NEXMIF: variants seen among roughly 807,000 people sequenced by gnomAD.
NEXMIF encodes neurite extension and migration factor.
Under a neutral mutation model 62.1 loss-of-function variants are expected in NEXMIF, and 8 were observed. That is an observed-to-expected ratio of 0.13 (90% CI 0.08 to 0.23). The LOEUF is 0.23. Among genes scored for constraint, NEXMIF ranks in the 10% least tolerant of loss-of-function variants. The pLI, the probability that NEXMIF is intolerant of heterozygous loss-of-function variation, is 1.00. For missense variants in NEXMIF, 976 were observed against 1,113.3 expected (o/e 0.88, Z 1.75); for synonymous variants, 404 against 416.6 (o/e 0.97, Z 0.37).
intron 1 of NEXMIF, among the ~76,000 whole-genome samples, chrX:74,868,979 T>C (rs1042038193): frequency 9.0e-6 from 1 of 110,822 alleles, no homozygotes; most frequent in Non-Finnish European, 1.9e-5. Context: ...AATCTCATTG[T>C]ACAAGGCCAG....
At chrX:74,887,175 T>C (rs2080698073) in intron 1 of NEXMIF, among the ~76,000 whole-genome samples, 1 of 111,960 alleles carries the variant, frequency 8.9e-6, no homozygotes, top group Non-Finnish European at 1.9e-5. Context: ...ACTTACAGGT[T>C]AGACCTAAAA....
chrX:74,872,345 C>A (rs1243751043), intron 1 of NEXMIF, among the ~76,000 whole-genome samples: 3 of 105,614 alleles, frequency 2.8e-5, no homozygotes, highest in African/African-American at 6.9e-5. Context: ...ACTTCACATG[C>A]TGTCACTTAT....
At chrX:74,759,826 G>A (rs768863727) in intron 1 of NEXMIF, among the ~76,000 whole-genome samples, 25 of 111,817 alleles carry the variant, frequency 2.2e-4, no homozygotes, top group Admixed American at 1.9e-4. Context: ...TAACCTTGGT[G>A]CCTCCAGCTT....
At chrX:74,891,984 G>T (rs183417994) in intron 1 of NEXMIF, among the ~76,000 whole-genome samples, 1 of 112,247 alleles carries the variant, frequency 8.9e-6, no homozygotes, top group East Asian at 2.8e-4. Context: ...TTTGCACAGG[G>T]TCAGCAACGC....
chrX:74,881,522 T>C (rs751458567), intron 1 of NEXMIF, among the ~76,000 whole-genome samples: 16 of 111,282 alleles, frequency 1.4e-4, no homozygotes, highest in African/African-American at 3.9e-4. Flanking sequence ...CCAGGTACTG[T>C]TGACATCTTG....
chrX:74,839,399 G>T (rs766538757), intron 1 of NEXMIF, among the ~76,000 whole-genome samples: 122 of 112,160 alleles, frequency 1.1e-3, no homozygotes, highest in African/African-American at 3.8e-3. Flanking sequence ...ATTTTTAATT[G>T]CCCAAATTGG....
At chrX:74,890,668 C>T (rs764933681) in intron 1 of NEXMIF, among the ~76,000 whole-genome samples, 5 of 111,722 alleles carry the variant, frequency 4.5e-5, no homozygotes, top group Non-Finnish European at 9.4e-5. Flanking sequence ...CATGGCTACG[C>T]TTGGGCATTT....
chrX:74,892,048 AT>A (rs1022499237), intron 1 of NEXMIF, among the ~76,000 whole-genome samples: 7 of 111,291 alleles, frequency 6.3e-5, no homozygotes, highest in African/African-American at 1.3e-4. Context: ...CTAAATATGT[AT>A]TTTTTTTTCT....
At chrX:74,892,422 T>C (rs148814989) in intron 1 of NEXMIF, among the ~76,000 whole-genome samples, 2,225 of 111,887 alleles carry the variant, frequency 0.02, 57 homozygotes, top group African/African-American at 0.069. Flanking sequence ...TTTACAGATA[T>C]TATTTTCCTC....
At chrX:74,808,101 C>A (rs1353206106) in intron 1 of NEXMIF, among the ~76,000 whole-genome samples, 1 of 111,304 alleles carries the variant, frequency 9.0e-6, no homozygotes, top group Non-Finnish European at 1.9e-5. Context: ...GCCTTGTAAA[C>A]CTAGAATAAA....
chrX:74,824,678 T>C (rs1353071051), intron 1 of NEXMIF, among the ~76,000 whole-genome samples: 1 of 107,189 alleles, frequency 9.3e-6, no homozygotes, highest in Non-Finnish European at 1.9e-5. Flanking sequence ...AGACAGAGTC[T>C]CACTCTGTCG....
At chrX:74,825,578 G>C (rs993959406) in intron 1 of NEXMIF, among the ~76,000 whole-genome samples, 2 of 112,085 alleles carry the variant, frequency 1.8e-5, no homozygotes, top group African/African-American at 6.5e-5. Flanking sequence ...TTTTTTGACA[G>C]AGTCTTGCTC....
At chrX:74,813,477 T>C (rs2080366770) in intron 1 of NEXMIF, among the ~76,000 whole-genome samples, 1 of 112,224 alleles carries the variant, frequency 8.9e-6, no homozygotes, top group African/African-American at 3.2e-5. Context: ...TTGTACGCAT[T>C]TTAAAAATGT....
At chrX:74,788,230 A>C (rs2080266922) in intron 1 of NEXMIF, among the ~76,000 whole-genome samples, 1 of 111,917 alleles carries the variant, frequency 8.9e-6, no homozygotes, top group South Asian at 3.8e-4. Context: ...ATACTGCATC[A>C]CTTCAGAGAC....
At position 74,862,608 on chromosome X, in the gene NEXMIF, G is replaced by A. The variant is rs754639862; in HGVS notation, c.-48+62275C>T. On this transcript the variant is annotated intron_variant, in intron 1 of 3. Transcript: ENST00000055682. ...GAAAGTAAAAAATTCCTCAGCAAAT[G>A]CAAAAGGACTGATATCATAACAAAC... is the stretch of plus-strand genomic sequence containing the variant. Among the ~76,000 whole-genome samples, 5 of 111,493 alleles carry A rather than the reference G, an allele frequency of 4.5e-5. No individual in the cohort carries two copies. In the East Asian group the frequency reaches 8.5e-4, roughly 19 times the overall value.
intron 1 of NEXMIF, among the ~76,000 whole-genome samples, chrX:74,911,191 G>A (rs963702405): frequency 7.2e-5 from 8 of 111,374 alleles, no homozygotes; most frequent in East Asian, 2.8e-4. Flanking sequence ...AGGCCAAGGC[G>A]GGAAGATCAC....
chrX:74,801,820 G>A (rs749548297), intron 1 of NEXMIF, among the ~76,000 whole-genome samples: 1 of 112,204 alleles, frequency 8.9e-6, no homozygotes, highest in Non-Finnish European at 1.9e-5. Context: ...CTGGGCCAGA[G>A]CAGAGCCCAC....
At chrX:74,764,143 T>C (rs2080187326) in intron 1 of NEXMIF, among the ~76,000 whole-genome samples, 1 of 111,953 alleles carries the variant, frequency 8.9e-6, no homozygotes, top group Non-Finnish European at 1.9e-5. Flanking sequence ...ATATGTCCCA[T>C]CAATACCTAA....
intron 1 of NEXMIF, among the ~76,000 whole-genome samples, chrX:74,891,432 G>A (rs959412256): frequency 1.8e-5 from 2 of 110,665 alleles, no homozygotes; most frequent in African/African-American, 6.6e-5. Flanking sequence ...TTGTGTTTCT[G>A]CTACAATCAA....
Sources: allele counts gnomAD v4.1 joint callset (sites outside exome capture counted in the v4.1 genomes callset), GRCh38; gene constraint gnomAD v4.1.1; transcripts MANE v1.5; gene names NCBI Gene and HGNC (gene_info 2026-07-23, HGNC 2026-07-21).